Variants in RPS6KA2 observed in about 807,000 individuals in gnomAD.
RPS6KA2 encodes ribosomal protein S6 kinase A2, also known as ribosomal protein S6 kinase alpha-2.
A neutral mutation model predicts 91.8 loss-of-function variants in RPS6KA2; 42 were observed. The observed-to-expected ratio is 0.46, with a 90% CI of 0.36 to 0.59. The LOEUF is 0.59. RPS6KA2 is among the 20% of genes least tolerant of loss of function. RPS6KA2 has a pLI of 0.00. For missense variants in RPS6KA2, 798 were observed against 978.5 expected (o/e 0.82, Z 2.46); for synonymous variants, 414 against 393.6 (o/e 1.05, Z -0.61).
At chr6:166,614,403 G>A (rs76601682) in intron 1 of RPS6KA2, among the ~76,000 whole-genome samples, 20,420 of 152,144 alleles carry the variant, frequency 0.13, 1,439 homozygotes, top group Non-Finnish European at 0.17. Flanking sequence ...TGCCCGGCCC[G>A]CTTCCTACCC....
chr6:166,783,238 C>A (rs1345093140), intron 2 of RPS6KA2, among the ~76,000 whole-genome samples: 1 of 151,744 alleles, frequency 6.6e-6, no homozygotes, highest in East Asian at 1.9e-4. Context: ...CAAGCAGGAG[C>A]CACGTGATTA....
chr6:166,700,985 G>GT, intron 2 of RPS6KA2: 1 of 854,056 alleles, frequency 1.2e-6, no homozygotes, highest in Non-Finnish European at 2.0e-6. Context: ...AAGTGGCTAG[G>GT]TAAAAACTTG....
chr6:166,743,217 G>A (rs1056953798), intron 2 of RPS6KA2, among the ~76,000 whole-genome samples: 1 of 152,152 alleles, frequency 6.6e-6, no homozygotes, highest in African/African-American at 2.4e-5. Flanking sequence ...GGTTCACAAA[G>A]GAAACTTCAC....
At chr6:166,673,980 A>G (rs565334042) in intron 2 of RPS6KA2, among the ~76,000 whole-genome samples, 2 of 152,372 alleles carry the variant, frequency 1.3e-5, no homozygotes, top group East Asian at 1.9e-4. Flanking sequence ...GTGAAATTCT[A>G]TGGAGCTGTT....
Position 166,849,226 on chromosome 6 carries a change from T to C in RPS6KA2, c.123+8974A>G, listed in dbSNP as rs1262098793. Among the ~76,000 whole-genome samples, 6 of 152,152 alleles carry C rather than the reference T, an allele frequency of 3.9e-5. No individual in the cohort carries two copies. In the South Asian group the frequency reaches 1.2e-3, roughly 32 times the overall value. On this transcript the variant is annotated intron_variant, in intron 2 of 21. Transcript: ENST00000503859. The surrounding 1 kb of genome is among the most constrained non-coding windows in gnomAD (Gnocchi z 4.9). Reference sequence around the variant, plus strand: ...GGTTGGTTTCTTCTCATCAGTCAGGTCGTGGCCTAAACATGGCGTGGGTAG... The same window carrying C: ...GGTTGGTTTCTTCTCATCAGTCAGGCCGTGGCCTAAACATGGCGTGGGTAG...
intron 10 of RPS6KA2, among the ~76,000 whole-genome samples, chr6:166,480,801 C>T (rs1035073373): frequency 1.8e-4 from 27 of 152,202 alleles, no homozygotes; most frequent in African/African-American, 6.5e-4. Flanking sequence ...AGGCGTACAC[C>T]ACCACTCCTG....
chr6:166,794,926 C>A (rs1332299964), intron 2 of RPS6KA2, among the ~76,000 whole-genome samples: 1 of 151,472 alleles, frequency 6.6e-6, no homozygotes, highest in Non-Finnish European at 1.5e-5. Context: ...TGCAGCAACA[C>A]CAACATGGCA....
intron 2 of RPS6KA2, among the ~76,000 whole-genome samples, chr6:166,713,539 C>T (rs2128581250): frequency 6.6e-6 from 1 of 152,070 alleles, no homozygotes; most frequent in South Asian, 2.1e-4. Flanking sequence ...GGGTCACAGC[C>T]CTGGGGAGAA....
Position 166,849,780 on chromosome 6 carries a change from C to T in RPS6KA2, c.123+8420G>A, listed in dbSNP as rs1327425602. On this transcript the variant is annotated intron_variant, in intron 2 of 21. Transcript: ENST00000503859. The surrounding 1 kb of genome is among the most constrained non-coding windows in gnomAD (Gnocchi z 4.9). ...ACTGACACCAGCATGTGTTCACAGC[C>T]GTTTCCTCAAGCTGACTGAATTCTC... is the stretch of plus-strand genomic sequence containing the variant. Among the ~76,000 whole-genome samples, 1 of 152,198 alleles carries T rather than the reference C, an allele frequency of 6.6e-6. No homozygotes were observed. The highest frequency in any genetic ancestry group is 2.4e-5 in the African/African-American group (1 of 41,446).
At chr6:166,424,582 G>A (rs1280654470) in intron 16 of RPS6KA2, among the ~76,000 whole-genome samples, 2 of 152,180 alleles carry the variant, frequency 1.3e-5, no homozygotes, top group Non-Finnish European at 2.9e-5. Flanking sequence ...CAGAGAGTGG[G>A]AGTCCAACCC....
At chr6:166,487,294 G>A (rs993230789) in intron 10 of RPS6KA2, among the ~76,000 whole-genome samples, 21 of 152,308 alleles carry the variant, frequency 1.4e-4, no homozygotes, top group South Asian at 6.2e-4. Context: ...AGACAGTGAC[G>A]GCAGAACACC....
chr6:166,727,971 T>C (rs1018953473), intron 2 of RPS6KA2, among the ~76,000 whole-genome samples: 6 of 152,226 alleles, frequency 3.9e-5, no homozygotes, highest in African/African-American at 1.2e-4. Flanking sequence ...CAGATGGTCA[T>C]GTCCATACTA....
At position 166,678,739 on chromosome 6, in the gene RPS6KA2, C is replaced by T. The variant is rs567270976; in HGVS notation, c.124-139955G>A. Among the ~76,000 whole-genome samples, 7 of 152,260 alleles carry T rather than the reference C, an allele frequency of 4.6e-5. No individual in the cohort carries two copies. The South Asian group carries it at 6.2e-4, about 14-fold the overall frequency. ...CCTTTGTCCAACCATGGCTGGCAAG[C>T]GACAAAGAAAGGGGGCTCAAAACGT... On this transcript the variant is annotated intron_variant, in intron 2 of 21. Coordinates refer to the RPS6KA2 transcript ENST00000503859.
At chr6:166,819,140 A>T (rs191983374) in intron 2 of RPS6KA2, among the ~76,000 whole-genome samples, 29 of 152,174 alleles carry the variant, frequency 1.9e-4, no homozygotes, top group African/African-American at 5.3e-4. Flanking sequence ...CTTCATGCCA[A>T]CCTTAGCTTT....
chr6:166,739,757 G>T (rs1036512791), intron 2 of RPS6KA2, among the ~76,000 whole-genome samples: 2 of 152,200 alleles, frequency 1.3e-5, no homozygotes, highest in Non-Finnish European at 2.9e-5. Context: ...GGAGCCACTG[G>T]ATCTTCCAAA....
Position 166,639,617 on chromosome 6 carries a change from T to G in RPS6KA2, c.124-100833A>C, listed in dbSNP as rs542548766. 7.1e-4 allele frequency among the ~76,000 whole-genome samples: 108 copies of G among 152,188 alleles called. No homozygotes were observed. The highest frequency in any genetic ancestry group is 1.2e-3 in the Non-Finnish European group (79 of 67,984). On this transcript the variant is annotated intron_variant, in intron 2 of 21. Transcript: ENST00000503859. This position sits in a 1 kb window ranked among gnomAD's most constrained non-coding sequence, Gnocchi z 4.2. ...TTTGCCTCTCCTCCTTCCTCCAGGGTGCAGTCTCTGCTCCTGCCCCGCTGA... is the reference window on the plus strand; with the variant it reads ...TTTGCCTCTCCTCCTTCCTCCAGGGGGCAGTCTCTGCTCCTGCCCCGCTGA...
At chr6:166,415,786 C>T (rs1379152037) in intron 19 of RPS6KA2, among the ~76,000 whole-genome samples, 5 of 152,076 alleles carry the variant, frequency 3.3e-5, no homozygotes, top group African/African-American at 4.8e-5. Context: ...GGTCTGACAT[C>T]TGGGATATGC....
intron 2 of RPS6KA2, among the ~76,000 whole-genome samples, chr6:166,728,749 C>T (rs1236800881): frequency 1.3e-5 from 2 of 152,192 alleles, no homozygotes; most frequent in African/African-American, 4.8e-5. Flanking sequence ...TCGACGCATA[C>T]AGATCAGCTC....
rs1790693569 is a variant in RPS6KA2, at chr6:166,737,235, C to T, written c.123+120965G>A. ...GTTTAGTCTACAATGAACCAGATCA[C>T]ACTTGTAATATTATTTAGAAGCAAA... On this transcript the variant is annotated intron_variant, in intron 2 of 21. Coordinates refer to the RPS6KA2 transcript ENST00000503859. This position sits in a 1 kb window ranked among gnomAD's most constrained non-coding sequence, Gnocchi z 4.3. Among the ~76,000 whole-genome samples the T allele has an allele frequency of 6.6e-6, 1 of 152,192 alleles. No individual in the cohort carries two copies. The highest frequency in any genetic ancestry group is 2.4e-5 in the African/African-American group (1 of 41,436).
Sources: allele counts gnomAD v4.1 joint callset (sites outside exome capture counted in the v4.1 genomes callset), GRCh38; gene constraint gnomAD v4.1.1; non-coding constraint Gnocchi (gnomAD v3.1); transcripts MANE v1.5; gene names NCBI Gene and HGNC (gene_info 2026-07-23, HGNC 2026-07-21).